CTNND2: variants seen among roughly 807,000 people sequenced by gnomAD.
CTNND2 encodes the protein catenin delta 2, also known as catenin delta-2.
Under a neutral mutation model 144.4 loss-of-function variants are expected in CTNND2, and 22 were observed. That is an observed-to-expected ratio of 0.15 (90% CI 0.11 to 0.22). The LOEUF (loss-of-function observed/expected upper bound fraction) is 0.22. Ranked by LOEUF, CTNND2 falls within the 10% of genes least tolerant of loss-of-function variation. The pLI is 1.00. For synonymous variants in CTNND2, 751 were observed against 695.6 expected (o/e 1.08, Z -1.25); for missense variants, 1,353 against 1,618.8 (o/e 0.84, Z 2.82).
intron 1 of CTNND2, among the ~76,000 whole-genome samples, chr5:11,810,936 G>A (rs926811304): frequency 6.6e-6 from 1 of 151,976 alleles, no homozygotes; most frequent in Non-Finnish European, 1.5e-5. Flanking sequence ...TCCATAATGT[G>A]ATATTTTACA....
intron 13 of CTNND2, among the ~76,000 whole-genome samples, chr5:11,112,458 A>T (rs766864318): frequency 6.6e-6 from 1 of 152,196 alleles, no homozygotes; most frequent in African/African-American, 2.4e-5. Context: ...CAAGAGCCTC[A>T]AGAAGGTAAG....
chr5:11,450,570 C>T (rs1365842083), intron 3 of CTNND2, among the ~76,000 whole-genome samples: 1 of 152,124 alleles, frequency 6.6e-6, no homozygotes, highest in African/African-American at 2.4e-5. Flanking sequence ...TAAGACAAAA[C>T]AGGGGTTTCT....
Position 10,995,874 on chromosome 5 carries a change from T to C in CTNND2, c.3085-3197A>G, listed in dbSNP as rs1376368226. 2.6e-5 allele frequency among the ~76,000 whole-genome samples: 4 copies of C among 152,102 alleles called. No homozygotes were observed. The East Asian group carries it at 7.7e-4, about 29-fold the overall frequency. On this transcript the variant is annotated intron_variant, in intron 18 of 21. Transcript: ENST00000304623. ...ACAGGAAGATAAGGATATTCACTCTTGATTTTTTTGTTTTTTGCATTTTCT... is the reference window on the plus strand; with the variant it reads ...ACAGGAAGATAAGGATATTCACTCTCGATTTTTTTGTTTTTTGCATTTTCT...
chr5:11,835,560 AT>A (rs1226121350), intron 1 of CTNND2, among the ~76,000 whole-genome samples: 1 of 151,986 alleles, frequency 6.6e-6, no homozygotes, highest in Non-Finnish European at 1.5e-5. Context: ...TTTCTTGAGG[AT>A]TTTTTCCATC....
intron 3 of CTNND2, among the ~76,000 whole-genome samples, chr5:11,557,387 C>A (rs577170227): frequency 6.6e-6 from 1 of 152,074 alleles, no homozygotes; most frequent in African/African-American, 2.4e-5. Context: ...CAAGTTCATG[C>A]AAGTTATTAC....
chr5:11,381,766 G>C (rs570082304), intron 7 of CTNND2, among the ~76,000 whole-genome samples: 28 of 152,258 alleles, frequency 1.8e-4, no homozygotes, highest in African/African-American at 5.3e-4. Flanking sequence ...AGGAGATCAA[G>C]ACCATCCTGG....
intron 1 of CTNND2, among the ~76,000 whole-genome samples, chr5:11,846,729 C>T (rs1204101600): frequency 2.0e-5 from 3 of 151,990 alleles, no homozygotes; most frequent in Admixed American, 6.6e-5. Flanking sequence ...TTATAAGGAA[C>T]TCAAACAATT....
chr5:11,030,474 C>T (rs1743322185), intron 16 of CTNND2, among the ~76,000 whole-genome samples: 1 of 56,616 alleles, frequency 1.8e-5, no homozygotes. Flanking sequence ...TTAAATTTTC[C>T]TGTCTTTCAA....
At chr5:11,058,985 T>G (rs981078896) in intron 16 of CTNND2, among the ~76,000 whole-genome samples, 1 of 152,206 alleles carries the variant, frequency 6.6e-6, no homozygotes, top group African/African-American at 2.4e-5. Flanking sequence ...ACCCAATATC[T>G]CTACCCCATT....
Position 10,981,160 on chromosome 5 carries a change from C to T in CTNND2, c.3417+613G>A, listed in dbSNP as rs139606295. 1.7e-3 allele frequency among the ~76,000 whole-genome samples: 261 copies of T among 152,250 alleles called. 2 individuals carry two copies. The highest frequency in any genetic ancestry group is 2.8e-3 in the Non-Finnish European group (190 of 68,014). ...CAACTGTGCTGCAGAAAATCTTGGA[C>T]GGGTTAGGGTTAGGAGCCAGAGAAG... On this transcript the variant is annotated intron_variant, in intron 21 of 21. Transcript: ENST00000304623.
chr5:11,535,206 A>G (rs1051944864), intron 3 of CTNND2, among the ~76,000 whole-genome samples: 1 of 149,894 alleles, frequency 6.7e-6, no homozygotes, highest in Admixed American at 6.6e-5. Context: ...AAAAAAAAAG[A>G]CTTCTTATGG....
chr5:11,093,971 GCTCTT>G (rs1751046376), intron 15 of CTNND2, among the ~76,000 whole-genome samples: 1 of 152,220 alleles, frequency 6.6e-6, no homozygotes, highest in African/African-American at 2.4e-5. Context: ...TTGTCCACTT[GCTCTT>G]CCCATGAAAC....
intron 1 of CTNND2, among the ~76,000 whole-genome samples, chr5:11,782,748 A>T (rs1191997721): frequency 1.3e-5 from 2 of 152,134 alleles, no homozygotes; most frequent in Admixed American, 1.3e-4. Flanking sequence ...ACAACCCATT[A>T]TCCTATTCCA....
intron 12 of CTNND2, 42 bp from the exon 13 acceptor site, chr5:11,117,609 A>G: frequency 1.3e-6 from 2 of 1,512,934 alleles, no homozygotes; most frequent in Non-Finnish European, 1.8e-6. Context: ...CACGGTTGTC[A>G]CCAAAAGAAT....
At chr5:11,077,122 T>C (rs766867051) in intron 16 of CTNND2, among the ~76,000 whole-genome samples, 2 of 152,154 alleles carry the variant, frequency 1.3e-5, no homozygotes, top group South Asian at 2.1e-4. Context: ...GGTTCAGTCA[T>C]TTTTTTTCTG....
At chr5:11,694,280 A>G in intron 2 of CTNND2, among the ~76,000 whole-genome samples, 1 of 151,788 alleles carries the variant, frequency 6.6e-6, no homozygotes, top group African/African-American at 2.4e-5. Flanking sequence ...CTAAAAATAC[A>G]AAAAATTAGC....
intron 3 of CTNND2, among the ~76,000 whole-genome samples, chr5:11,523,710 C>T (rs1421062421): frequency 6.6e-6 from 1 of 152,182 alleles, no homozygotes; most frequent in Non-Finnish European, 1.5e-5. Context: ...CGGGGACTTC[C>T]TGCACCTGCT....
intron 6 of CTNND2, among the ~76,000 whole-genome samples, chr5:11,385,566 A>C (rs891157424): frequency 3.9e-5 from 6 of 152,214 alleles, no homozygotes; most frequent in Non-Finnish European, 7.3e-5. Flanking sequence ...CCACCCCGAC[A>C]GGGCAATCAT....
intron 9 of CTNND2, among the ~76,000 whole-genome samples, chr5:11,319,922 A>C (rs1361317442): frequency 6.6e-6 from 1 of 152,194 alleles, no homozygotes; most frequent in Non-Finnish European, 1.5e-5. Flanking sequence ...TTTAGTGTGA[A>C]ATGCATAACG....
Sources: allele counts gnomAD v4.1 joint callset (sites outside exome capture counted in the v4.1 genomes callset), GRCh38; gene constraint gnomAD v4.1.1; transcripts MANE v1.5; gene names NCBI Gene and HGNC (gene_info 2026-07-23, HGNC 2026-07-21).